The following TCF7 variants were observed in gnomAD, a reference collection of about 807,000 sequenced individuals.
TCF7 encodes transcription factor 7.
Under a neutral mutation model 46.8 loss-of-function variants are expected in TCF7, and 19 were observed. The ratio of observed to expected loss-of-function variants is 0.41; its 90% confidence interval spans 0.28 to 0.60. The LOEUF (loss-of-function observed/expected upper bound fraction) is 0.60, where lower values mean the gene tolerates loss of function less well. TCF7 is among the 20% of genes least tolerant of loss of function. The pLI is 0.35. For missense variants in TCF7, 547 were observed against 504.6 expected (o/e 1.08, Z -0.81); for synonymous variants, 245 against 213.4 (o/e 1.15, Z -1.29).
chr5:134,143,700 CCCT>C (rs1248450006), intron 9 of TCF7, 60 bp downstream of exon 9: 4 of 1,602,008 alleles, frequency 2.5e-6, no homozygotes, highest in African/African-American at 2.7e-5. Context: ...TCAAGAGCAG[CCCT>C]CCTCTGACCC....
At position 134,142,259 on chromosome 5, in the gene TCF7, T is replaced by C. The variant is rs1008755391; in HGVS notation, c.710T>C (p.Val237Ala). 1.9e-6 allele frequency: 3 copies of C among 1,608,048 alleles called. No individual in the cohort carries two copies. The highest frequency in any genetic ancestry group is 2.6e-6 in the Non-Finnish European group (3 of 1,175,626). The change falls in exon 6 of 10, where the codon GTG (valine) becomes GCG (alanine). Residue 237 changes from valine (V) to alanine (A), a missense_variant. This residue lies in a region of TCF7 where 425 missense variants were observed against 349.9 expected (regional missense o/e 1.21). Transcript: ENST00000342854. ...HPAAIPHPAI[V>A]PPSGKQELQP... is the part of the protein sequence containing the mutation. The stretch of plus-strand genomic sequence containing the variant: ...GCAGCCATCCCCCACCCGGCCATTG[T>C]GCCCCCCTCAGGGAAGCAGGAGCTG...
chr5:134,143,221 C>A, intron 8 of TCF7, 121 bp downstream of exon 8: 2 of 1,108,842 alleles, frequency 1.8e-6, no homozygotes, highest in Non-Finnish European at 2.6e-6. Context: ...TGAGGAAGGG[C>A]ACGGAGGGTC....
intron 9 of TCF7, 58 bp from the exon 10 acceptor site, chr5:134,146,166 T>C (rs1488765789): frequency 6.2e-7 from 1 of 1,613,632 alleles, no homozygotes. Context: ...TTTTTGGTTG[T>C]GGTGTATGAC....
At chr5:134,128,584 A>G (rs115808154) in intron 3 of TCF7, among the ~76,000 whole-genome samples, 22,492 of 150,762 alleles carry the variant, frequency 0.15, 2,627 homozygotes, top group African/African-American at 0.32. Flanking sequence ...AACACATGAC[A>G]AGACCCCTGT....
Position 134,138,079 on chromosome 5 carries a change from C to A in TCF7, c.462C>A (p.Pro154=). ...TTCAGCACAAGGCCAATCAGCCCCC[C>A]CACGGTGTCCCCCAACTCTCTCTCT... The part of the protein sequence containing the change: ...QPPLHKANQP[P]HGVPQLSLYE... Residue 154 remains proline (P), a synonymous_variant, in exon 4 of 10, where the codon CCC becomes CCA. Coordinates refer to ENST00000342854, the MANE Select transcript of TCF7 (RefSeq NM_003202.5). 1.2e-6 allele frequency: 2 copies of A among 1,606,952 alleles called. No individual in the cohort carries two copies. The highest frequency in any genetic ancestry group is 1.7e-6 in the Non-Finnish European group (2 of 1,176,522).
At chr5:134,125,036 T>TC (rs1445570383) in intron 3 of TCF7, among the ~76,000 whole-genome samples, 1 of 152,210 alleles carries the variant, frequency 6.6e-6, no homozygotes, top group African/African-American at 2.4e-5. Context: ...GGGGTAGGAA[T>TC]CCCTGGCCAT....
At chr5:134,113,527 C>T (rs781707623), upstream of TCF7, among the ~76,000 whole-genome samples, 1 of 152,232 alleles carries the variant, frequency 6.6e-6, no homozygotes, top group South Asian at 2.1e-4. Context: ...AATACCCGGC[C>T]CTCCCCCAAA....
chr5:134,142,040 G>A, intron 5 of TCF7, 145 bp from the exon 6 acceptor site: 1 of 1,120,026 alleles, frequency 8.9e-7, no homozygotes, highest in South Asian at 1.6e-5. Context: ...ATTTATCTCT[G>A]TGTACTTATG....
chr5:134,139,812 T>TGTG (rs1287979010), intron 5 of TCF7: 2 of 152,324 alleles, frequency 1.3e-5, no homozygotes, highest in Non-Finnish European at 2.9e-5. Context: ...AGGCCCAACC[T>TGTG]GTGGCCCACT....
chr5:134,123,548 C>T (rs1161592356), intron 3 of TCF7: 2 of 395,126 alleles, frequency 5.1e-6, no homozygotes, highest in Admixed American at 2.7e-5. Context: ...GGAGAACACT[C>T]TGGGTGGGGG....
intron 9 of TCF7, chr5:134,144,942 C>A: frequency 7.3e-7 from 1 of 1,364,418 alleles, no homozygotes; most frequent in Non-Finnish European, 1.0e-6. Flanking sequence ...TTCCACTGGG[C>A]CTGCAGCCCA....
chr5:134,114,868 G>A lies in TCF7; in HGVS notation c.-39G>A, dbSNP rs1178802293. On this transcript the variant is annotated 5_prime_UTR_variant, in exon 1 of 10. Coordinates refer to ENST00000342854, the MANE Select transcript of TCF7 (RefSeq NM_003202.5). Reference sequence around the variant, plus strand: ...GGCCGGCTCCGCGCCCCGCACTCCCGGCGCCCAGCGCCCCGCGCCCCGGCG... The same window carrying A: ...GGCCGGCTCCGCGCCCCGCACTCCCAGCGCCCAGCGCCCCGCGCCCCGGCG... The A allele has an allele frequency of 4.1e-6, 4 of 983,402 alleles. No homozygotes were observed. Among genetic ancestry groups the A allele is most frequent in the East Asian group, 2.3e-4 (2 of 8,740 alleles). The allele number at this position is 983,402 out of a possible 1,614,324, so 60.9% of individuals were successfully genotyped here. A position where few individuals can be genotyped will look rare whatever the true frequency, so the allele number is the denominator to read the frequency against.
At chr5:134,125,681 A>G (rs1245429445) in intron 3 of TCF7, among the ~76,000 whole-genome samples, 1 of 152,254 alleles carries the variant, frequency 6.6e-6, no homozygotes, top group Non-Finnish European at 1.5e-5. Flanking sequence ...ACAGAAGAGG[A>G]CACAGTGGCC....
At chr5:134,139,290 GC>G in intron 5 of TCF7, 1 of 535,460 alleles carries the variant, frequency 1.9e-6, no homozygotes, top group Non-Finnish European at 3.3e-6. Context: ...CCTGGTCCCA[GC>G]CCTGTCTCCC....
Position 134,114,970 on chromosome 5 carries a change from G to A in TCF7, c.64G>A (p.Glu22Lys). The change falls in exon 1 of 10, where the codon GAG becomes AAG. Residue 22 changes from glutamate to lysine, a missense_variant. Transcript: ENST00000342854. Reference sequence around the variant, plus strand: ...CGGCGACGACCTCGGCGCGCCGGACGAGCTGCTGGCCTTCCAGGATGAAGG... The same window carrying A: ...CGGCGACGACCTCGGCGCGCCGGACAAGCTGCTGGCCTTCCAGGATGAAGG... ...GGGDDLGAPD[E>K]LLAFQDEGEE... 1 of 1,183,948 alleles carries A rather than the reference G, an allele frequency of 8.4e-7. No homozygotes were observed. The highest frequency in any genetic ancestry group is 1.1e-6 in the Non-Finnish European group (1 of 934,326). The allele number at this position is 1,183,948 out of a possible 1,614,324, so 73.3% of individuals were successfully genotyped here.
intron 6 of TCF7, 151 bp from the exon 7 acceptor site, chr5:134,142,570 C>A: frequency 9.1e-7 from 1 of 1,095,304 alleles, no homozygotes; most frequent in Non-Finnish European, 1.3e-6. Context: ...TAGCTGTCTG[C>A]TCACCCATTT....
intron 5 of TCF7, chr5:134,139,355 T>C: frequency 3.1e-6 from 1 of 323,008 alleles, no homozygotes; most frequent in Non-Finnish European, 5.8e-6. Context: ...CTAAGGGACC[T>C]CCAGGGCCAT....
chr5:134,135,282 C>T (rs1489506633), intron 3 of TCF7, among the ~76,000 whole-genome samples: 4 of 152,086 alleles, frequency 2.6e-5, no homozygotes, highest in African/African-American at 9.7e-5. Context: ...TTGTAGGCCC[C>T]AGGTCAGGAG....
chr5:134,141,035 G>T, intron 5 of TCF7: 1 of 319,084 alleles, frequency 3.1e-6, no homozygotes, highest in East Asian at 1.1e-4. Flanking sequence ...CTGCTGTCCT[G>T]TGCCTGAGAA....
Sources: gnomAD v4.1 joint callset for allele counts (sites outside exome capture counted in the v4.1 genomes callset) on GRCh38, gnomAD v4.1.1 for gene constraint, gnomAD v4.1.1 regional missense constraint, MANE v1.5 for transcripts, NCBI Gene and HGNC (gene_info 2026-07-23, HGNC 2026-07-21) for gene names.